Variants in LCT observed in about 807,000 individuals in gnomAD.
LCT encodes the protein lactase/phlorizin hydrolase.
A neutral mutation model predicts 173.0 loss-of-function variants in LCT; 90 were observed. That is an observed-to-expected ratio of 0.52 (90% CI 0.44 to 0.62). LCT has a LOEUF of 0.62. Ranked by LOEUF, LCT falls within the 20% of genes least tolerant of loss-of-function variation. LCT has a pLI of 0.00. For synonymous variants in LCT, 853 were observed against 957.6 expected, an observed-to-expected ratio of 0.89 and a Z score of 2.02; for missense variants, 1,864 against 2,431.4, an observed-to-expected ratio of 0.77 and a Z score of 4.91.
intron 11 of LCT, 41 bp from the exon 12 acceptor site, chr2:135,800,850 A>G (rs1478092376): frequency 6.7e-7 from 1 of 1,490,096 alleles, no homozygotes; most frequent in Non-Finnish European, 9.4e-7. Flanking sequence ...AATGGATAGA[A>G]TGGATGTGAC....
chr2:135,815,134 C>T (rs1015240019), intron 6 of LCT, among the ~76,000 whole-genome samples: 1 of 152,164 alleles, frequency 6.6e-6, no homozygotes, highest in Non-Finnish European at 1.5e-5. Flanking sequence ...TCTTGGACTT[C>T]CCCAGCTCCA....
At chr2:135,792,557 C>T (rs1225856209) in intron 14 of LCT, among the ~76,000 whole-genome samples, 3 of 152,148 alleles carry the variant, frequency 2.0e-5, no homozygotes, top group African/African-American at 4.8e-5. Context: ...TGGCAGGGCA[C>T]AGCAGGAGTG....
chr2:135,806,595 CTACATTTAGA>C (rs1320890640), intron 9 of LCT, among the ~76,000 whole-genome samples: 2 of 152,140 alleles, frequency 1.3e-5, no homozygotes, highest in Admixed American at 6.6e-5. Flanking sequence ...CTGTGCCTTT[CTACATTTAGA>C]TACATTTAGA....
intron 5 of LCT, among the ~76,000 whole-genome samples, chr2:135,818,629 G>C (rs2077801570): frequency 6.6e-6 from 1 of 152,208 alleles, no homozygotes; most frequent in Admixed American, 6.5e-5. Context: ...CACGAGGTCA[G>C]AAGTTCGAGA....
At chr2:135,803,547 T>C (rs1211297271) in intron 11 of LCT, among the ~76,000 whole-genome samples, 3 of 152,200 alleles carry the variant, frequency 2.0e-5, no homozygotes, top group African/African-American at 7.2e-5. Flanking sequence ...TTCACTACTA[T>C]TAAATGAGCT....
rs1036413672 is a variant in LCT at position 135,789,911 on chromosome 2, C to T, written c.5336-113G>A. ...CTCTCCCCACCGCCTTCACAGATGG[C>T]GGTAAGCTTTGGCTTTAGCTCTGTG... is the stretch of plus-strand genomic sequence containing the variant. On this transcript the variant is annotated intron_variant, in intron 15 of 16. Coordinates refer to ENST00000264162, the MANE Select transcript of LCT (RefSeq NM_002299.4). The T allele has an allele frequency of 9.0e-5, 76 of 848,450 alleles. 1 individual carries two copies. In the African/African-American group the frequency reaches 1.1e-3, roughly 12 times the overall value. 52.6% of individuals were successfully genotyped at this position (848,450 alleles called of 1,614,324 possible).
At chr2:135,801,515 G>A (rs1359698309) in intron 11 of LCT, among the ~76,000 whole-genome samples, 7 of 151,860 alleles carry the variant, frequency 4.6e-5, no homozygotes, top group African/African-American at 1.7e-4. Flanking sequence ...AGGAGTTTGA[G>A]ACCAACTTGC....
rs372910833 is a variant in LCT at position 135,808,442 on chromosome 2, C to T, written c.3904+1G>A. The stretch of plus-strand genomic sequence containing the variant: ...TTAAGGGGAACTGAACCCTCACACA[C>T]CTTTCAAAGCCTCATTGATGTAGGT... On this transcript the variant is annotated splice_donor_variant, in intron 8 of 16. Transcript: ENST00000264162. LOFTEE classifies it high-confidence loss of function. The T allele has an allele frequency of 1.9e-5, 30 of 1,610,392 alleles. No individual in the cohort carries two copies. Among genetic ancestry groups the T allele is most frequent in the African/African-American group, 1.7e-4 (13 of 75,004 alleles).
At chr2:135,821,843 C>T (rs971616071) in intron 5 of LCT, 177 bp downstream of exon 5, 14 of 610,752 alleles carry the variant, frequency 2.3e-5, no homozygotes, top group Non-Finnish European at 4.1e-5. Flanking sequence ...GAGTCCCACT[C>T]AGTAAGAGAC....
At chr2:135,826,942 C>T (rs956090379) in intron 3 of LCT, among the ~76,000 whole-genome samples, 9 of 152,150 alleles carry the variant, frequency 5.9e-5, no homozygotes, top group African/African-American at 2.2e-4. Context: ...AAATACCACC[C>T]TCATTATCAT....
chr2:135,807,164 C>A lies in LCT; in HGVS notation c.4137G>T (p.Glu1379Asp). The change falls in exon 9 of 17, where the codon GAG becomes GAT. Residue 1379 changes from glutamate (E) to aspartate (D), a missense_variant. This residue lies in a region of LCT where 514 missense variants were observed against 750.1 expected (regional missense o/e 0.69). Transcript: ENST00000264162. ...EDEFLYGRFPEGFIWSAASAA... is the reference protein window; with the variant it reads ...EDEFLYGRFPDGFIWSAASAA... ...CAGAAGCTGCACTCCAGATGAAGCC[C>A]TCAGGAAACCGTCCGTACAGAAACT... is the stretch of plus-strand genomic sequence containing the variant. The A allele has an allele frequency of 1.2e-6, 2 of 1,614,224 alleles. No individual in the cohort carries two copies. The highest frequency in any genetic ancestry group is 1.7e-6 in the Non-Finnish European group (2 of 1,180,042).
At chr2:135,834,671 C>A (rs2077969955) in intron 1 of LCT, among the ~76,000 whole-genome samples, 1 of 148,470 alleles carries the variant, frequency 6.7e-6, no homozygotes, top group African/African-American at 2.5e-5. Flanking sequence ...GCCTGTAATC[C>A]CAGCTACTGG....
chr2:135,830,218 G>A (rs949550836), intron 2 of LCT, among the ~76,000 whole-genome samples: 45 of 152,208 alleles, frequency 3.0e-4, no homozygotes, highest in African/African-American at 1.0e-3. Flanking sequence ...TGTGGAGTAC[G>A]CACTGGGGAC....
At chr2:135,821,151 G>A (rs927366217) in intron 5 of LCT, among the ~76,000 whole-genome samples, 1 of 152,168 alleles carries the variant, frequency 6.6e-6, no homozygotes, top group Non-Finnish European at 1.5e-5. Context: ...AAAGTTCTGG[G>A]ATTACAGGCG....
rs1212279051 is a variant in LCT, at chr2:135,804,950, G to C, written c.4281C>G (p.Asp1427Glu). Residue 1427 changes from aspartate to glutamate, a missense_variant, in exon 10 of 17, where the codon GAC becomes GAG. Transcript: ENST00000264162. Reference sequence around the variant, plus strand: ...GATCCTCAGCAATCTTGTGATAACTGTCACAGGCCACGTCTCCAATGGCAT... The same window carrying C: ...GATCCTCAGCAATCTTGTGATAACTCTCACAGGCCACGTCTCCAATGGCAT... ...ENDAIGDVAC[D>E]SYHKIAEDLV... The C allele has an allele frequency of 6.2e-7, 1 of 1,614,212 alleles. No individual in the cohort carries two copies.
intron 2 of LCT, among the ~76,000 whole-genome samples, chr2:135,830,603 G>A (rs1226268640): frequency 6.6e-6 from 1 of 152,192 alleles, no homozygotes; most frequent in African/African-American, 2.4e-5. Flanking sequence ...ACTGCTCAAG[G>A]TCTTCGCTAA....
intron 6 of LCT, among the ~76,000 whole-genome samples, chr2:135,815,722 G>T (rs563144585): frequency 2.6e-5 from 4 of 151,852 alleles, no homozygotes; most frequent in South Asian, 2.1e-4. Context: ...TGAAAGTCTC[G>T]CTTTGTCACC....
chr2:135,798,811 G>T (rs1445695661), intron 12 of LCT, among the ~76,000 whole-genome samples: 37 of 152,168 alleles, frequency 2.4e-4, no homozygotes, highest in Non-Finnish European at 1.5e-5. Context: ...TGGGGTGAGG[G>T]CAGCTTCCAC....
intron 3 of LCT, among the ~76,000 whole-genome samples, chr2:135,827,175 C>T (rs1212550195): frequency 3.2e-4 from 48 of 152,080 alleles, no homozygotes; most frequent in African/African-American, 4.8e-5. Flanking sequence ...GACGGGGTTT[C>T]GCCATGTTGG....
Sources: gnomAD v4.1 joint callset for allele counts (sites outside exome capture counted in the v4.1 genomes callset) on GRCh38, gnomAD v4.1.1 for gene constraint, gnomAD v4.1.1 regional missense constraint, MANE v1.5 for transcripts, NCBI Gene and HGNC (gene_info 2026-07-23, HGNC 2026-07-21) for gene names.